The following SLC25A31 variants were observed in gnomAD, a reference collection of about 807,000 sequenced individuals.
SLC25A31 encodes the protein ADP/ATP translocase 4.
SLC25A31 carries 40 observed loss-of-function variants against 36.2 expected under a neutral mutation model. The observed-to-expected ratio is 1.10, with a 90% CI of 0.86 to 1.44. The LOEUF is 1.44. SLC25A31 is among the 40% of genes most tolerant of loss of function. The probability of loss-of-function intolerance (pLI) is 0.00; values close to 1 mark genes in which losing one functional copy is unlikely to be tolerated. For missense variants in SLC25A31, 350 were observed against 397.1 expected (o/e 0.88, Z 1.01); for synonymous variants, 143 against 149.7 (o/e 0.96, Z 0.32).
chr4:127,764,419 T>C, intron 3 of SLC25A31, 59 bp downstream of exon 3: 2 of 1,385,402 alleles, frequency 1.4e-6, no homozygotes, highest in Non-Finnish European at 2.0e-6. Context: ...CATCTGTTAT[T>C]TATTGGCATT....
intron 2 of SLC25A31, among the ~76,000 whole-genome samples, chr4:127,758,446 C>T (rs1732071187): frequency 6.6e-6 from 1 of 152,134 alleles, no homozygotes; most frequent in African/African-American, 2.4e-5. Context: ...TGTCTGTTTC[C>T]TCCACTGAAT....
At chr4:127,755,893 C>T (rs1175377110) in intron 2 of SLC25A31, among the ~76,000 whole-genome samples, 2 of 152,034 alleles carry the variant, frequency 1.3e-5, no homozygotes, top group African/African-American at 4.8e-5. Context: ...ATTAGCTGAG[C>T]GTGGTGGTGT....
intron 2 of SLC25A31, among the ~76,000 whole-genome samples, chr4:127,757,330 T>C (rs1282523959): frequency 6.6e-6 from 1 of 152,198 alleles, no homozygotes; most frequent in Non-Finnish European, 1.5e-5. Context: ...TGTTTCCACC[T>C]TTATGTCCAC....
intron 3 of SLC25A31, 39 bp downstream of exon 3, chr4:127,764,399 C>T (rs761699024): frequency 1.4e-6 from 2 of 1,480,514 alleles, no homozygotes; most frequent in Non-Finnish European, 1.9e-6. Context: ...TCCTTCTTTG[C>T]ATTTTGAACC....
intron 2 of SLC25A31, among the ~76,000 whole-genome samples, chr4:127,763,279 A>G (rs1431329397): frequency 2.6e-5 from 4 of 152,206 alleles, no homozygotes; most frequent in African/African-American, 7.2e-5. Context: ...GCATGAAGCA[A>G]TAACTATTTT....
intron 1 of SLC25A31, among the ~76,000 whole-genome samples, chr4:127,738,673 T>A (rs1407235280): frequency 1.3e-5 from 2 of 152,206 alleles, no homozygotes; most frequent in East Asian, 3.8e-4. Context: ...GTTCATTTTC[T>A]GCCTTGATGG....
Position 127,773,650 on chromosome 4 carries a change from T to C in SLC25A31, c.*76T>C, listed in dbSNP as rs1732412385. ...ATTACATAGCTGCCATTTGCATACA[T>C]TTTGATAGTGTTATTGTCTGTATTT... is the stretch of plus-strand genomic sequence containing the variant. On this transcript the variant is annotated 3_prime_UTR_variant, in exon 6 of 6. Transcript: ENST00000281154. 8.4e-7 allele frequency: 1 copy of C among 1,191,924 alleles called. No individual in the cohort carries two copies. Among genetic ancestry groups the C allele is most frequent in the Non-Finnish European group, 1.2e-6 (1 of 869,042 alleles). 73.8% of individuals were successfully genotyped at this position (1,191,924 alleles called of 1,614,324 possible).
intron 2 of SLC25A31, among the ~76,000 whole-genome samples, chr4:127,763,012 T>C (rs1732172205): frequency 1.3e-5 from 2 of 151,890 alleles, no homozygotes. Flanking sequence ...TTGTAAGTGA[T>C]ATTTAAAAAA....
chr4:127,752,876 G>T (rs189635384), intron 2 of SLC25A31, among the ~76,000 whole-genome samples: 1 of 152,090 alleles, frequency 6.6e-6, no homozygotes, highest in African/African-American at 2.4e-5. Context: ...AGCTTGAACT[G>T]CACTTTAGAT....
At chr4:127,735,010 A>C (rs563245367) in intron 1 of SLC25A31, among the ~76,000 whole-genome samples, 1 of 152,204 alleles carries the variant, frequency 6.6e-6, no homozygotes, top group Admixed American at 6.5e-5. Flanking sequence ...TATAGATTCT[A>C]TTATCAGGTT....
chr4:127,771,637 C>T (rs1732363272), intron 5 of SLC25A31, among the ~76,000 whole-genome samples: 1 of 152,174 alleles, frequency 6.6e-6, no homozygotes, highest in Non-Finnish European at 1.5e-5. Context: ...ACCCCGGATT[C>T]AGTGTTATAT....
At chr4:127,753,185 A>G (rs1309298808) in intron 2 of SLC25A31, among the ~76,000 whole-genome samples, 1 of 152,186 alleles carries the variant, frequency 6.6e-6, no homozygotes, top group Non-Finnish European at 1.5e-5. Flanking sequence ...ACATAGCAAA[A>G]CTTATAGGGT....
At chr4:127,749,559 C>T (rs1014419348) in intron 2 of SLC25A31, among the ~76,000 whole-genome samples, 17 of 152,098 alleles carry the variant, frequency 1.1e-4, no homozygotes, top group African/African-American at 3.9e-4. Context: ...TCCTGGCCAA[C>T]GTGGTGAAAC....
intron 1 of SLC25A31, among the ~76,000 whole-genome samples, chr4:127,739,810 G>A (rs975766697): frequency 4.0e-5 from 6 of 151,644 alleles, no homozygotes; most frequent in Non-Finnish European, 8.8e-5. Flanking sequence ...GTCTAACTGG[G>A]TTAAAGGACC....
intron 5 of SLC25A31, among the ~76,000 whole-genome samples, chr4:127,773,073 A>G (rs1732396135): frequency 6.6e-6 from 1 of 152,166 alleles, no homozygotes; most frequent in Non-Finnish European, 1.5e-5. Context: ...ATGAGCCACC[A>G]TGCCTAGCCC....
At chr4:127,755,977 G>C (rs950419798) in intron 2 of SLC25A31, among the ~76,000 whole-genome samples, 5 of 151,562 alleles carry the variant, frequency 3.3e-5, no homozygotes, top group Non-Finnish European at 7.4e-5. Flanking sequence ...AGGTTGCAGT[G>C]AGCCGAGATC....
Position 127,773,532 on chromosome 4 carries a change from T to A in SLC25A31, c.906T>A (p.Asp302Glu). ...GTGCTTTGGTGTTGGTATTATATGA[T>A]AAAATTAAAGAATTCTTTCATATTG... The part of the protein sequence containing the change: ...TGGALVLVLY[D>E]KIKEFFHIDI... Residue 302 changes from aspartate to glutamate, a missense_variant, in exon 6 of 6, where the codon GAT becomes GAA. By Grantham distance (45) the Asp-to-Glu change is conservative. Coordinates refer to ENST00000281154, the MANE Select transcript of SLC25A31 (RefSeq NM_031291.4). 1.2e-6 allele frequency: 2 copies of A among 1,603,084 alleles called. No homozygotes were observed. The highest frequency in any genetic ancestry group is 1.7e-6 in the Non-Finnish European group (2 of 1,176,952).
chr4:127,764,564 C>CA (rs1047223110), intron 3 of SLC25A31, among the ~76,000 whole-genome samples: 9 of 151,866 alleles, frequency 5.9e-5, no homozygotes, highest in African/African-American at 2.2e-4. Context: ...CCTGTTGTAA[C>CA]AAAAAAAGTG....
At chr4:127,769,438 T>C (rs1469657125) in intron 5 of SLC25A31, among the ~76,000 whole-genome samples, 1 of 152,178 alleles carries the variant, frequency 6.6e-6, no homozygotes, top group African/African-American at 2.4e-5. Context: ...AACGTGATGC[T>C]CAAGGGAAAT....
Sources: allele counts gnomAD v4.1 joint callset (sites outside exome capture counted in the v4.1 genomes callset), GRCh38; gene constraint gnomAD v4.1.1; transcripts MANE v1.5; gene names NCBI Gene and HGNC (gene_info 2026-07-23, HGNC 2026-07-21).